The following ASIC5 variants were observed in gnomAD, a reference collection of about 807,000 sequenced individuals.
The protein encoded by ASIC5 is acid sensing ion channel subunit family member 5.
A neutral mutation model predicts 51.2 loss-of-function variants in ASIC5; 52 were observed. That is an observed-to-expected ratio of 1.02 (90% confidence interval 0.81 to 1.28). The LOEUF is 1.28. ASIC5 is among the 50% of genes most tolerant of loss of function. The pLI, the probability that ASIC5 is intolerant of heterozygous loss-of-function variation, is 0.00. For synonymous variants in ASIC5, 231 were observed against 200.7 expected, an observed-to-expected ratio of 1.15 and a Z score of -1.28; for missense variants, 635 against 595.0, an observed-to-expected ratio of 1.07 and a Z score of -0.70.
At chr4:155,864,010 G>A (rs762567443) in intron 1 of ASIC5, among the ~76,000 whole-genome samples, 2 of 152,140 alleles carry the variant, frequency 1.3e-5, no homozygotes, top group Non-Finnish European at 2.9e-5. Context: ...TGTGTTAGTG[G>A]TATGGTATTA....
intron 1 of ASIC5, 32 bp downstream of exon 1, chr4:155,866,155 T>G (rs1006267143): frequency 7.0e-7 from 1 of 1,429,564 alleles, no homozygotes; most frequent in Non-Finnish European, 9.7e-7. Context: ...ATGAAAAATA[T>G]TACTGCTCTG....
chr4:155,866,202 C>T lies in ASIC5; in HGVS notation c.25G>A (p.Val9Ile), dbSNP rs779065438. The change falls in exon 1 of 10, where the codon GTA (valine) becomes ATA (isoleucine). Residue 9 changes from valine (V) to isoleucine (I), a missense_variant. Transcript: ENST00000537611. MEQTEKSK[V>I]YAENGLLEKI... ...CTTTACTCACCGTTCTCAGCATATA[C>T]TTTTGATTTTTCTGTCTGCTCCATT... 24 of 1,608,426 alleles carry T rather than the reference C, an allele frequency of 1.5e-5. No homozygotes were observed. The highest frequency in any genetic ancestry group is 2.0e-5 in the Non-Finnish European group (23 of 1,175,712).
chr4:155,844,150 C>T (rs1237874642), intron 4 of ASIC5, among the ~76,000 whole-genome samples: 1 of 151,986 alleles, frequency 6.6e-6, no homozygotes. Flanking sequence ...GCTGACCTGG[C>T]CTGCAGCAGC....
chr4:155,851,235 T>A (rs1255276953), intron 4 of ASIC5, among the ~76,000 whole-genome samples: 6 of 152,056 alleles, frequency 3.9e-5, no homozygotes, highest in Non-Finnish European at 7.4e-5. Context: ...GACTCGAAAG[T>A]ATTAATCAAA....
At chr4:155,852,119 C>A in intron 4 of ASIC5, 72 bp downstream of exon 4, 3 of 1,536,302 alleles carry the variant, frequency 2.0e-6, no homozygotes, top group Non-Finnish European at 2.7e-6. Flanking sequence ...CTGATATGGC[C>A]CAATAGTCTG....
At chr4:155,843,941 T>C (rs6536102) in intron 4 of ASIC5, 111 bp from the exon 5 acceptor site, 26,266 of 941,126 alleles carry the variant, frequency 0.028, 1,973 homozygotes, top group African/African-American at 0.22. Context: ...ATCCTAAATA[T>C]TTTATGTTAT....
chr4:155,832,528 T>C lies in ASIC5; in HGVS notation c.1236-613A>G, dbSNP rs74762730. 9.0e-3 allele frequency among the ~76,000 whole-genome samples: 1,372 copies of C among 152,302 alleles called. 6 individuals carry two copies. Among genetic ancestry groups the C allele is most frequent in the Middle Eastern group, 0.027 (8 of 294 alleles). On this transcript the variant is annotated intron_variant, in intron 8 of 9. Coordinates refer to ENST00000537611, the MANE Select transcript of ASIC5 (RefSeq NM_017419.3). Reference sequence around the variant, plus strand: ...TAAACATCTTTTAAAATGATACTAATAGCTCGTTACACGGTCTTGAAAGCC... The same window carrying C: ...TAAACATCTTTTAAAATGATACTAACAGCTCGTTACACGGTCTTGAAAGCC...
At chr4:155,862,244 C>A (rs1357217583) in intron 2 of ASIC5, among the ~76,000 whole-genome samples, 1 of 152,026 alleles carries the variant, frequency 6.6e-6, no homozygotes, top group African/African-American at 2.4e-5. Context: ...ACTGTTAGGA[C>A]CCTTGATACA....
intron 4 of ASIC5, among the ~76,000 whole-genome samples, chr4:155,849,907 T>C (rs987438507): frequency 1.2e-4 from 19 of 152,044 alleles, no homozygotes; most frequent in African/African-American, 4.6e-4. Context: ...TATATGAATA[T>C]TTCCAGTATT....
rs750665267 is a variant in ASIC5 at position 155,830,035 on chromosome 4, C to A, written c.1339G>T (p.Gly447Cys). Residue 447 changes from glycine to cysteine, a missense_variant, in exon 10 of 10, where the codon GGT (glycine) becomes TGT (cysteine). Transcript: ENST00000537611. ...GCCCCACAAAATAGACCCAGCTGAC[C>A]ACCAAGATCTGCTGTAATAAAACCA... is the stretch of plus-strand genomic sequence containing the variant. ...SVSELLADLG[G>C]QLGLFCGASL... The A allele has an allele frequency of 1.2e-5, 19 of 1,544,480 alleles. No individual in the cohort carries two copies. Among genetic ancestry groups the A allele is most frequent in the East Asian group, 2.4e-5 (1 of 40,832 alleles).
rs201165319 is a variant in ASIC5, at chr4:155,866,246, A to G, written c.-20T>C. 4.5e-4 allele frequency: 714 copies of G among 1,603,056 alleles called. 7 individuals are homozygous for G. Among genetic ancestry groups the G allele is most frequent in the South Asian group, 3.4e-3 (306 of 90,374 alleles). On this transcript the variant is annotated 5_prime_UTR_variant, in exon 1 of 10. Coordinates refer to ENST00000537611, the MANE Select transcript of ASIC5 (RefSeq NM_017419.3). ...CTCCATTTGTGATTTCAGTTAAGCA[A>G]GAGTCCTCAGGGTAACCCAATTTTC... is the stretch of plus-strand genomic sequence containing the variant.
At chr4:155,854,670 A>T (rs1238890682) in intron 2 of ASIC5, 1 of 228,276 alleles carries the variant, frequency 4.4e-6, no homozygotes, top group African/African-American at 2.3e-5. Flanking sequence ...AGCTTAGCTA[A>T]ATTAGAACTG....
chr4:155,833,848 G>A (rs1740922341), intron 8 of ASIC5, among the ~76,000 whole-genome samples: 3 of 152,144 alleles, frequency 2.0e-5, no homozygotes, highest in African/African-American at 7.2e-5. Context: ...TGTGCCTCAT[G>A]GCAATAGTGA....
intron 1 of ASIC5, among the ~76,000 whole-genome samples, chr4:155,865,812 T>G (rs999776883): frequency 6.6e-6 from 1 of 152,180 alleles, no homozygotes; most frequent in Admixed American, 6.6e-5. Flanking sequence ...AGTGTCATTA[T>G]GACAACTAGA....
At chr4:155,834,160 AG>A (rs1418997942) in intron 8 of ASIC5, among the ~76,000 whole-genome samples, 4 of 152,156 alleles carry the variant, frequency 2.6e-5, no homozygotes, top group African/African-American at 9.7e-5. Flanking sequence ...CTTATCTTCA[AG>A]GGTAAACTCC....
Position 155,829,914 on chromosome 4 carries a change from TG to T in ASIC5, c.1459del (p.Gln487SerfsTer16). The T allele has an allele frequency of 6.2e-7, 1 of 1,607,636 alleles. No homozygotes were observed. The highest frequency in any genetic ancestry group is 8.5e-7 in the Non-Finnish European group (1 of 1,177,682). On this transcript the variant is annotated frameshift_variant, in exon 10 of 10. Coordinates refer to ENST00000537611, the MANE Select transcript of ASIC5 (RefSeq NM_017419.3). LOFTEE classifies it low-confidence loss of function (END_TRUNC). ...ATGATTCTGAGGTGGAGGAGTCCAC[TG>T]GGTCATTTCAGATATCTTCAGCAAA... ...FFLLKISEMT[Q>X]WTPPPQNHLG...
At chr4:155,846,995 G>GT (rs969919817) in intron 4 of ASIC5, among the ~76,000 whole-genome samples, 8 of 152,056 alleles carry the variant, frequency 5.3e-5, no homozygotes, top group Admixed American at 2.0e-4. Context: ...AAATAAGGAG[G>GT]TTTTTTTGTG....
chr4:155,830,526 C>T, intron 9 of ASIC5, among the ~76,000 whole-genome samples: 1 of 151,962 alleles, frequency 6.6e-6, no homozygotes, highest in African/African-American at 2.4e-5. Context: ...CATAACATTG[C>T]CTTTTTGATA....
chr4:155,846,149 A>T (rs995348202), intron 4 of ASIC5, among the ~76,000 whole-genome samples: 1 of 152,108 alleles, frequency 6.6e-6, no homozygotes, highest in Non-Finnish European at 1.5e-5. Context: ...AGTTTATGTA[A>T]CTTAAGTAAA....
Sources: allele counts gnomAD v4.1 joint callset (sites outside exome capture counted in the v4.1 genomes callset), GRCh38; gene constraint gnomAD v4.1.1; transcripts MANE v1.5; gene names NCBI Gene and HGNC (gene_info 2026-07-23, HGNC 2026-07-21).